The following KCNQ5 variants were observed in gnomAD, a reference collection of about 807,000 sequenced individuals.
KCNQ5 encodes potassium voltage-gated channel subfamily KQT member 5.
KCNQ5 carries 30 observed loss-of-function variants against 98.2 expected under a neutral mutation model. The observed-to-expected ratio is 0.31, with a 90% CI of 0.23 to 0.41. The LOEUF (loss-of-function observed/expected upper bound fraction) is 0.41, where lower values mean the gene tolerates loss of function less well. Among genes scored for constraint, KCNQ5 ranks in the 10% least tolerant of loss-of-function variants. KCNQ5 has a pLI of 1.00. For missense variants in KCNQ5, 835 were observed against 1,182.5 expected, an observed-to-expected ratio of 0.71 and a Z score of 4.31; for synonymous variants, 458 against 449.4, an observed-to-expected ratio of 1.02 and a Z score of -0.24.
At chr6:73,040,621 T>C (rs1296206778) in intron 2 of KCNQ5, among the ~76,000 whole-genome samples, 1 of 152,202 alleles carries the variant, frequency 6.6e-6, no homozygotes, top group Non-Finnish European at 1.5e-5. Flanking sequence ...TCTTTGAAGG[T>C]TTATCCTATA....
intron 1 of KCNQ5, among the ~76,000 whole-genome samples, chr6:72,641,028 G>T (rs746459485): frequency 5.3e-5 from 8 of 152,148 alleles, no homozygotes; most frequent in Non-Finnish European, 1.2e-4. Context: ...GCTGGCAAAA[G>T]ATAGTAATTT....
At chr6:72,774,324 A>G (rs907304844) in intron 1 of KCNQ5, among the ~76,000 whole-genome samples, 1 of 152,162 alleles carries the variant, frequency 6.6e-6, no homozygotes, top group African/African-American at 2.4e-5. Flanking sequence ...AACTCCAATA[A>G]AACTTTATTT....
intron 5 of KCNQ5, among the ~76,000 whole-genome samples, chr6:73,101,949 C>T (rs1250781537): frequency 6.6e-6 from 1 of 152,046 alleles, no homozygotes; most frequent in Non-Finnish European, 1.5e-5. Flanking sequence ...CAAAGCTATC[C>T]TAAGCAAAAA....
intron 4 of KCNQ5, 111 bp from the exon 5 acceptor site, chr6:73,077,651 C>A: frequency 8.0e-7 from 1 of 1,249,396 alleles, no homozygotes; most frequent in Non-Finnish European, 1.1e-6. Context: ...TATTTAAGAG[C>A]CATCATAAAC....
At chr6:72,763,819 G>A (rs908638136) in intron 1 of KCNQ5, among the ~76,000 whole-genome samples, 2 of 151,862 alleles carry the variant, frequency 1.3e-5, no homozygotes, top group Admixed American at 6.6e-5. Flanking sequence ...GAGCTGTTGT[G>A]GAAAGAAACA....
At chr6:72,627,367 G>A (rs572208057) in intron 1 of KCNQ5, among the ~76,000 whole-genome samples, 1 of 152,286 alleles carries the variant, frequency 6.6e-6, no homozygotes, top group African/African-American at 2.4e-5. Context: ...AAGAGCCAAT[G>A]GAAGAACCTG....
chr6:72,835,685 T>C (rs576733702), intron 1 of KCNQ5, among the ~76,000 whole-genome samples: 13 of 152,316 alleles, frequency 8.5e-5, no homozygotes, highest in African/African-American at 2.9e-4. Context: ...TTTATAATTA[T>C]ACAGATAAGA....
chr6:72,900,442 A>G (rs1270562261), intron 1 of KCNQ5, among the ~76,000 whole-genome samples: 1 of 143,076 alleles, frequency 7.0e-6, no homozygotes, highest in Non-Finnish European at 1.5e-5. Flanking sequence ...TATATGATAT[A>G]TATATCATAT....
At chr6:72,659,151 T>C (rs1766375240) in intron 1 of KCNQ5, among the ~76,000 whole-genome samples, 1 of 152,210 alleles carries the variant, frequency 6.6e-6, no homozygotes, top group Non-Finnish European at 1.5e-5. Context: ...CAATATAATT[T>C]AATCAATAGT....
At chr6:72,861,312 A>G (rs890055040) in intron 1 of KCNQ5, among the ~76,000 whole-genome samples, 92 of 42,654 alleles carry the variant, frequency 2.2e-3, no homozygotes, top group African/African-American at 7.9e-3. Flanking sequence ...GATTCCTTTA[A>G]AGGATTATTT....
At chr6:72,756,785 A>G (rs1771992137) in intron 1 of KCNQ5, among the ~76,000 whole-genome samples, 1 of 152,010 alleles carries the variant, frequency 6.6e-6, no homozygotes, top group African/African-American at 2.4e-5. Flanking sequence ...TTAATAGTCA[A>G]CTTATGGAAC....
intron 1 of KCNQ5, among the ~76,000 whole-genome samples, chr6:72,808,567 C>T (rs1775069243): frequency 6.6e-6 from 1 of 152,112 alleles, no homozygotes; most frequent in African/African-American, 2.4e-5. Flanking sequence ...TAGAAAGGCC[C>T]TTTTTACTTT....
intron 1 of KCNQ5, among the ~76,000 whole-genome samples, chr6:72,863,450 G>A (rs942526439): frequency 6.6e-6 from 1 of 152,088 alleles, no homozygotes; most frequent in African/African-American, 2.4e-5. Flanking sequence ...TCCATTTTCA[G>A]ATTCCTGTTT....
At chr6:72,738,231 G>A (rs1030277413) in intron 1 of KCNQ5, among the ~76,000 whole-genome samples, 5 of 152,082 alleles carry the variant, frequency 3.3e-5, no homozygotes, top group African/African-American at 9.7e-5. Flanking sequence ...AAAATAATCT[G>A]TTGACAAGAC....
chr6:72,717,919 A>G (rs887911468), intron 1 of KCNQ5, among the ~76,000 whole-genome samples: 5 of 152,194 alleles, frequency 3.3e-5, no homozygotes, highest in African/African-American at 1.2e-4. Flanking sequence ...ACGGTACAGT[A>G]CTACCAAGAG....
intron 1 of KCNQ5, among the ~76,000 whole-genome samples, chr6:72,758,508 G>A (rs1434993285): frequency 6.6e-6 from 1 of 152,152 alleles, no homozygotes; most frequent in Non-Finnish European, 1.5e-5. Context: ...GGGATCAGGA[G>A]TAAATATTCT....
In KCNQ5 at chr6:72,854,417, A is replaced by C. The variant is rs181959761; in HGVS notation, c.399-149491A>C. 3.0e-3 allele frequency among the ~76,000 whole-genome samples: 417 copies of C among 138,966 alleles called. 2 individuals carry two copies. Among genetic ancestry groups the C allele is most frequent in the African/African-American group, 0.01 (401 of 38,430 alleles). 91.2% of individuals were successfully genotyped at this position (138,966 alleles called of 152,430 possible). ...GTGATCGCAAAACTGTTAACAGATT[A>C]TGTAGCTTTATTAGAAAAAAAATTT... On this transcript the variant is annotated intron_variant, in intron 1 of 13. Transcript: ENST00000370398.
intron 1 of KCNQ5, among the ~76,000 whole-genome samples, chr6:72,862,340 G>A (rs916350460): frequency 2.0e-5 from 3 of 152,136 alleles, no homozygotes; most frequent in Non-Finnish European, 4.4e-5. Flanking sequence ...TTGACTAAGT[G>A]TTTTCAATCT....
intron 1 of KCNQ5, among the ~76,000 whole-genome samples, chr6:72,968,852 C>T (rs1272847512): frequency 6.6e-6 from 1 of 152,154 alleles, no homozygotes; most frequent in African/African-American, 2.4e-5. Context: ...TCTTGGGCAG[C>T]ACCTGTTGTT....
Sources: allele counts gnomAD v4.1 joint callset (sites outside exome capture counted in the v4.1 genomes callset), GRCh38; gene constraint gnomAD v4.1.1; transcripts MANE v1.5; gene names NCBI Gene and HGNC (gene_info 2026-07-23, HGNC 2026-07-21).